PRKCE: variants seen among roughly 807,000 people sequenced by gnomAD.
The protein encoded by PRKCE is protein kinase C epsilon type.
A neutral mutation model predicts 85.4 loss-of-function variants in PRKCE; 16 were observed. That is an observed-to-expected ratio of 0.19 (90% CI 0.13 to 0.28). PRKCE has a LOEUF of 0.28. Among genes scored for constraint, PRKCE ranks in the 10% least tolerant of loss-of-function variants. The probability of loss-of-function intolerance (pLI) is 1.00; values close to 1 mark genes in which losing one functional copy is unlikely to be tolerated. For synonymous variants in PRKCE, 388 were observed against 371.5 expected, an observed-to-expected ratio of 1.04 and a Z score of -0.51; for missense variants, 573 against 975.2, an observed-to-expected ratio of 0.59 and a Z score of 5.49.
At chr2:46,165,383 C>T (rs547835292) in intron 14 of PRKCE, among the ~76,000 whole-genome samples, 4 of 152,298 alleles carry the variant, frequency 2.6e-5, no homozygotes, top group South Asian at 4.2e-4. Context: ...GTCAATTTTC[C>T]GGGGGTGGCT....
chr2:45,769,730 G>A (rs1209278289), intron 1 of PRKCE, among the ~76,000 whole-genome samples: 1 of 152,168 alleles, frequency 6.6e-6, no homozygotes. Flanking sequence ...ATTTTGATAT[G>A]TTTTGCTTCC....
chr2:45,680,800 A>T (rs1572922378), intron 1 of PRKCE, among the ~76,000 whole-genome samples: 2 of 152,222 alleles, frequency 1.3e-5, no homozygotes, highest in South Asian at 4.1e-4. Context: ...TGCTTTTAAC[A>T]AAAACCAGAT....
At chr2:46,039,015 C>T (rs941037994) in intron 10 of PRKCE, among the ~76,000 whole-genome samples, 4 of 152,082 alleles carry the variant, frequency 2.6e-5, no homozygotes, top group African/African-American at 9.7e-5. Context: ...TGTTAAAATG[C>T]AATTTAGCGT....
intron 6 of PRKCE, among the ~76,000 whole-genome samples, chr2:45,993,391 C>A (rs1220843979): frequency 1.3e-5 from 2 of 152,206 alleles, no homozygotes; most frequent in Admixed American, 6.5e-5. Flanking sequence ...GTCACTATCT[C>A]ACATCGTGCA....
At chr2:45,717,821 G>A (rs1680269345) in intron 1 of PRKCE, among the ~76,000 whole-genome samples, 1 of 152,232 alleles carries the variant, frequency 6.6e-6, no homozygotes, top group Admixed American at 6.5e-5. Flanking sequence ...TCATGTGGCT[G>A]TTAGCTATGG....
At chr2:46,173,985 T>A (rs954843194) in intron 14 of PRKCE, among the ~76,000 whole-genome samples, 5 of 152,216 alleles carry the variant, frequency 3.3e-5, no homozygotes, top group Non-Finnish European at 5.9e-5. Flanking sequence ...TTGAATTCCG[T>A]CAAACAGCAG....
intron 2 of PRKCE, among the ~76,000 whole-genome samples, chr2:45,910,015 G>A (rs1232943015): frequency 6.6e-6 from 1 of 150,742 alleles, no homozygotes; most frequent in African/African-American, 2.4e-5. Context: ...TGGCATTTCT[G>A]TAAATGGCCC....
chr2:45,834,540 A>T (rs1032956542), intron 1 of PRKCE, among the ~76,000 whole-genome samples: 1 of 151,770 alleles, frequency 6.6e-6, no homozygotes, highest in African/African-American at 2.4e-5. Context: ...GCTGATTAAG[A>T]CTCCTTCTGG....
intron 2 of PRKCE, among the ~76,000 whole-genome samples, chr2:45,971,459 C>G (rs1702105790): frequency 6.6e-6 from 1 of 152,140 alleles, no homozygotes; most frequent in Non-Finnish European, 1.5e-5. Flanking sequence ...GAAAGCTATG[C>G]TAAGGACATA....
chr2:46,133,594 A>T (rs1674675284), intron 11 of PRKCE, among the ~76,000 whole-genome samples: 1 of 152,164 alleles, frequency 6.6e-6, no homozygotes, highest in African/African-American at 2.4e-5. Context: ...GCTAAAATGG[A>T]CTTCATAGAG....
chr2:45,914,474 G>A (rs1271083727), intron 2 of PRKCE, among the ~76,000 whole-genome samples: 3 of 152,176 alleles, frequency 2.0e-5, no homozygotes, highest in African/African-American at 7.2e-5. Flanking sequence ...TGGCATGTAG[G>A]TAGCCATGGT....
At chr2:45,965,326 G>A (rs1574049266) in intron 2 of PRKCE, among the ~76,000 whole-genome samples, 1 of 152,158 alleles carries the variant, frequency 6.6e-6, no homozygotes, top group Non-Finnish European at 1.5e-5. Context: ...ATCATCTATT[G>A]TTCTATGGAA....
chr2:46,043,723 A>T (rs1477571534), intron 10 of PRKCE, among the ~76,000 whole-genome samples: 3 of 152,170 alleles, frequency 2.0e-5, no homozygotes, highest in Non-Finnish European at 4.4e-5. Context: ...GTTACTTCTG[A>T]TTTTTCCCCT....
intron 2 of PRKCE, among the ~76,000 whole-genome samples, chr2:45,864,649 C>T: frequency 6.6e-6 from 1 of 152,146 alleles, no homozygotes; most frequent in Non-Finnish European, 1.5e-5. Context: ...ATTCCCATAC[C>T]AAGGGATCCC....
intron 2 of PRKCE, among the ~76,000 whole-genome samples, chr2:45,968,506 A>G (rs553548400): frequency 6.6e-6 from 1 of 152,196 alleles, no homozygotes; most frequent in Non-Finnish European, 1.5e-5. Context: ...GTGATGATGA[A>G]AAACTACCTA....
intron 11 of PRKCE, among the ~76,000 whole-genome samples, chr2:46,118,747 A>G (rs567304210): frequency 2.4e-4 from 37 of 152,342 alleles, no homozygotes; most frequent in South Asian, 1.9e-3. Flanking sequence ...AAGATAAAGC[A>G]TAAGAATGAA....
intron 11 of PRKCE, among the ~76,000 whole-genome samples, chr2:46,118,637 G>A (rs1673003570): frequency 1.3e-5 from 2 of 152,230 alleles, no homozygotes. Flanking sequence ...TCCCCATGCT[G>A]TTGTAACCAC....
At chr2:45,854,708 T>C (rs1692541871) in intron 2 of PRKCE, among the ~76,000 whole-genome samples, 1 of 152,174 alleles carries the variant, frequency 6.6e-6, no homozygotes, top group Non-Finnish European at 1.5e-5. Context: ...TTTCCTAATC[T>C]CTCCTTACAC....
chr2:46,158,189 G>T (rs1294606722), intron 13 of PRKCE, among the ~76,000 whole-genome samples: 1 of 152,208 alleles, frequency 6.6e-6, no homozygotes, highest in Non-Finnish European at 1.5e-5. Context: ...TAAACCAGAA[G>T]CCTGGGGTCT....
Sources: allele counts gnomAD v4.1 joint callset (sites outside exome capture counted in the v4.1 genomes callset), GRCh38; gene constraint gnomAD v4.1.1; transcripts MANE v1.5; gene names NCBI Gene and HGNC (gene_info 2026-07-23, HGNC 2026-07-21).